Variants in SHQ1 observed in about 807,000 individuals in gnomAD.
The protein encoded by SHQ1 is SHQ1, H/ACA ribonucleoprotein assembly factor, also known as protein SHQ1 homolog.
Under a neutral mutation model 53.8 loss-of-function variants are expected in SHQ1, and 49 were observed. The ratio of observed to expected loss-of-function variants is 0.91; its 90% CI spans 0.72 to 1.16. SHQ1 has a LOEUF of 1.16. Among genes scored for constraint, SHQ1 ranks in the 50% most tolerant of loss-of-function variants. SHQ1 has a pLI of 0.00. For missense variants in SHQ1, 738 were observed against 683.1 expected (o/e 1.08, Z -0.90); for synonymous variants, 243 against 251.0 (o/e 0.97, Z 0.30).
chr3:72,774,986 G>C (rs559865674), intron 10 of SHQ1, among the ~76,000 whole-genome samples: 1 of 152,116 alleles, frequency 6.6e-6, no homozygotes, highest in East Asian at 1.9e-4. Flanking sequence ...ATGGTGGTGG[G>C]CACCTGTAAT....
Position 72,799,154 on chromosome 3 carries a change from CA to C in SHQ1, c.1061-6119del, listed in dbSNP as rs200653110. 6.3e-3 allele frequency among the ~76,000 whole-genome samples: 813 copies of C among 129,318 alleles called. 10 individuals carry two copies. Among genetic ancestry groups the C allele is most frequent in the African/African-American group, 0.021 (741 of 35,098 alleles). The allele number at this position is 129,318 out of a possible 152,430, so 84.8% of individuals were successfully genotyped here. On this transcript the variant is annotated intron_variant, in intron 9 of 10. Transcript: ENST00000325599. ...GCAACACAGTGGGACTCCATCTCTA[CA>C]AAAAAAAAAATAATAATAATTTTAA... is the stretch of plus-strand genomic sequence containing the variant.
At chr3:72,763,831 G>A (rs1705661194) in intron 10 of SHQ1, among the ~76,000 whole-genome samples, 1 of 152,100 alleles carries the variant, frequency 6.6e-6, no homozygotes, top group South Asian at 2.1e-4. Flanking sequence ...CCTTGATTTT[G>A]GAATTCTAGC....
intron 4 of SHQ1, among the ~76,000 whole-genome samples, chr3:72,837,573 T>C (rs901879416): frequency 6.6e-6 from 1 of 152,208 alleles, no homozygotes; most frequent in African/African-American, 2.4e-5. Flanking sequence ...GAGTAGTCAA[T>C]GAAGCTGTAT....
In SHQ1 at chr3:72,848,391, T is replaced by C. The variant is rs751354713; in HGVS notation, c.-51A>G. ...GCCGCTCGCTCTCACTGCCGCCGCG[T>C]TCCCGCCACGCAAACTCTCCAACTC... On this transcript the variant is annotated 5_prime_UTR_variant, in exon 1 of 11. Coordinates refer to ENST00000325599, the MANE Select transcript of SHQ1 (RefSeq NM_018130.3). 1.2e-6 allele frequency: 2 copies of C among 1,604,348 alleles called. No homozygotes were observed. The highest frequency in any genetic ancestry group is 1.1e-5 in the South Asian group (1 of 90,526).
the SHQ1 span, among the ~76,000 whole-genome samples, chr3:72,742,021 C>T: frequency 6.6e-6 from 1 of 151,790 alleles, no homozygotes; most frequent in African/African-American, 2.4e-5. Context: ...AGTCCTGGAA[C>T]CAATCTCCCA....
downstream of SHQ1, among the ~76,000 whole-genome samples, chr3:72,746,058 G>T (rs947643560): frequency 1.3e-5 from 2 of 152,144 alleles, 1 homozygote; most frequent in South Asian, 4.1e-4. Context: ...GGCCAGGCTG[G>T]TCTCGAACTC....
At chr3:72,736,565 T>C in the SHQ1 span, among the ~76,000 whole-genome samples, 1 of 150,638 alleles carries the variant, frequency 6.6e-6, no homozygotes, top group Non-Finnish European at 1.5e-5. Flanking sequence ...CCGAGACAGA[T>C]GGATCACTTG....
At chr3:72,845,018 T>C (rs561123929) in intron 1 of SHQ1, among the ~76,000 whole-genome samples, 1 of 152,234 alleles carries the variant, frequency 6.6e-6, no homozygotes, top group South Asian at 2.1e-4. Flanking sequence ...AAATTTCATA[T>C]AAGGGACACT....
chr3:72,807,023 T>A (rs1194742840), intron 9 of SHQ1, among the ~76,000 whole-genome samples: 1 of 152,230 alleles, frequency 6.6e-6, no homozygotes, highest in Non-Finnish European at 1.5e-5. Context: ...GGGTGCTTTG[T>A]ATGGACTGGC....
At chr3:72,831,458 T>C (rs1405259374) in intron 5 of SHQ1, among the ~76,000 whole-genome samples, 1 of 152,246 alleles carries the variant, frequency 6.6e-6, no homozygotes, top group Non-Finnish European at 1.5e-5. Context: ...GCAAGTCCCT[T>C]AAACTCCTCT....
chr3:72,813,570 T>C (rs1430504555), intron 8 of SHQ1, among the ~76,000 whole-genome samples: 2 of 151,620 alleles, frequency 1.3e-5, no homozygotes, highest in Admixed American at 1.3e-4. Flanking sequence ...GAGACCACCC[T>C]GGCTAACACG....
At chr3:72,748,269 T>C (rs1277387519), downstream of SHQ1, among the ~76,000 whole-genome samples, 2 of 130,466 alleles carry the variant, frequency 1.5e-5, no homozygotes, top group African/African-American at 5.9e-5. Context: ...AATGCATATC[T>C]AGCACCTAAG....
chr3:72,828,951 A>C (rs1396463254), intron 5 of SHQ1, among the ~76,000 whole-genome samples: 1 of 152,124 alleles, frequency 6.6e-6, no homozygotes, highest in Non-Finnish European at 1.5e-5. Flanking sequence ...GATGGATCTG[A>C]AGAAGTCCAG....
chr3:72,821,730 A>G (rs1707486114), intron 6 of SHQ1, among the ~76,000 whole-genome samples: 1 of 152,242 alleles, frequency 6.6e-6, no homozygotes, highest in Admixed American at 6.5e-5. Flanking sequence ...GCAAAGAACA[A>G]AGAGGAAGAG....
At chr3:72,845,222 G>A (rs1016272220) in intron 1 of SHQ1, among the ~76,000 whole-genome samples, 2 of 152,088 alleles carry the variant, frequency 1.3e-5, no homozygotes, top group East Asian at 3.9e-4. Context: ...GGTGGCTTAC[G>A]CCTGTAATCC....
chr3:72,764,408 G>C (rs1705674726), intron 10 of SHQ1, among the ~76,000 whole-genome samples: 1 of 152,148 alleles, frequency 6.6e-6, no homozygotes, highest in Non-Finnish European at 1.5e-5. Flanking sequence ...AGCCAGACTT[G>C]ACAACAGTTC....
intron 4 of SHQ1, among the ~76,000 whole-genome samples, chr3:72,835,105 TC>T (rs1237178245): frequency 2.5e-4 from 37 of 148,840 alleles, no homozygotes; most frequent in African/African-American, 9.0e-4. Flanking sequence ...TCCATCAGCT[TC>T]TTTTTTTTTT....
the SHQ1 span, among the ~76,000 whole-genome samples, chr3:72,740,174 CAT>C: frequency 6.6e-6 from 1 of 152,240 alleles, no homozygotes; most frequent in Non-Finnish European, 1.5e-5. Context: ...GGAATGGCCA[CAT>C]GACTCAGACA....
In SHQ1 at chr3:72,819,830, C is replaced by T. The variant is rs537190337; in HGVS notation, c.728-2446G>A. 5.3e-5 allele frequency among the ~76,000 whole-genome samples: 8 copies of T among 152,196 alleles called. No individual in the cohort carries two copies. The South Asian group carries it at 1.7e-3, about 32-fold the overall frequency. ...TGAAGTTCCTTAATTTAAATAAAAG[C>T]TCTCAGTTCATTTTAAGCAATTTGA... is the stretch of plus-strand genomic sequence containing the variant. On this transcript the variant is annotated intron_variant, in intron 6 of 10. Transcript: ENST00000325599.
Sources: gnomAD v4.1 joint callset for allele counts (sites outside exome capture counted in the v4.1 genomes callset) on GRCh38, gnomAD v4.1.1 for gene constraint, MANE v1.5 for transcripts, NCBI Gene and HGNC (gene_info 2026-07-23, HGNC 2026-07-21) for gene names.